Variants in UST observed in about 807,000 individuals in gnomAD.
UST encodes chondroitin sulfate 2-O-sulfotransferase.
In UST, 21 loss-of-function variants were observed where a neutral mutation model predicts 45.6. The ratio of observed to expected loss-of-function variants is 0.46; its 90% CI spans 0.33 to 0.66. The LOEUF (loss-of-function observed/expected upper bound fraction) is 0.66, where lower values mean the gene tolerates loss of function less well. Among genes scored for constraint, UST ranks in the 30% least tolerant of loss-of-function variants. The pLI, the probability that UST is intolerant of heterozygous loss-of-function variation, is 0.02. For synonymous variants in UST, 215 were observed against 200.6 expected, an observed-to-expected ratio of 1.07 and a Z score of -0.61; for missense variants, 463 against 512.4, an observed-to-expected ratio of 0.90 and a Z score of 0.93.
At chr6:148,872,327 T>C (rs1473626227) in intron 1 of UST, among the ~76,000 whole-genome samples, 1 of 152,220 alleles carries the variant, frequency 6.6e-6, no homozygotes, top group Non-Finnish European at 1.5e-5. Context: ...ATGAAAACTT[T>C]CACCGCATAT....
chr6:148,965,173 C>G (rs1246731319), intron 5 of UST, among the ~76,000 whole-genome samples: 1 of 152,186 alleles, frequency 6.6e-6, no homozygotes, highest in Non-Finnish European at 1.5e-5. Context: ...GGACCCTCAG[C>G]TCCATAAGGG....
intron 1 of UST, among the ~76,000 whole-genome samples, chr6:148,844,353 G>C (rs1362599383): frequency 6.6e-6 from 1 of 152,204 alleles, no homozygotes; most frequent in African/African-American, 2.4e-5. Flanking sequence ...CTTACAGTTA[G>C]TGAATTTCAA....
intron 7 of UST, among the ~76,000 whole-genome samples, chr6:149,056,474 A>G (rs6930713): frequency 0.32 from 48,002 of 152,046 alleles, 8,002 homozygotes; most frequent in Non-Finnish European, 0.36. Context: ...CCTGGTGTCT[A>G]CTGACATTAG....
intron 7 of UST, among the ~76,000 whole-genome samples, chr6:149,030,359 A>G (rs1776121557): frequency 6.6e-6 from 1 of 152,128 alleles, no homozygotes; most frequent in Admixed American, 6.5e-5. Flanking sequence ...AATAAAATCT[A>G]GGCTGGGCAC....
intron 7 of UST, among the ~76,000 whole-genome samples, chr6:149,041,677 AGACCAT>A (rs1776316525): frequency 6.6e-6 from 1 of 152,178 alleles, no homozygotes; most frequent in South Asian, 2.1e-4. Context: ...CCACAACTGG[AGACCAT>A]GACCAGAACA....
At chr6:148,827,740 A>C (rs1199253397) in intron 1 of UST, among the ~76,000 whole-genome samples, 1 of 151,780 alleles carries the variant, frequency 6.6e-6, no homozygotes, top group Non-Finnish European at 1.5e-5. Flanking sequence ...AAAAAAAAAA[A>C]AAACCAACAA....
At chr6:149,033,036 A>C (rs1046893051) in intron 7 of UST, among the ~76,000 whole-genome samples, 1 of 152,220 alleles carries the variant, frequency 6.6e-6, no homozygotes, top group African/African-American at 2.4e-5. Context: ...ATAACGCCAC[A>C]AAGCTGAAAG....
intron 1 of UST, among the ~76,000 whole-genome samples, chr6:148,809,005 T>C (rs1460610402): frequency 1.3e-5 from 2 of 152,222 alleles, no homozygotes; most frequent in Non-Finnish European, 2.9e-5. Context: ...GTCTATGGTA[T>C]TTTGTTATAG....
intron 5 of UST, among the ~76,000 whole-genome samples, chr6:148,973,586 G>A (rs1780962772): frequency 6.6e-6 from 1 of 152,194 alleles, no homozygotes; most frequent in African/African-American, 2.4e-5. Flanking sequence ...TTTATATAAA[G>A]TAAAAAACTA....
At chr6:148,749,422 G>A (rs1447245783) in intron 1 of UST, among the ~76,000 whole-genome samples, 2 of 152,120 alleles carry the variant, frequency 1.3e-5, no homozygotes, top group Non-Finnish European at 1.5e-5. Flanking sequence ...GGAGGCCAGG[G>A]GTGTAGGGAA....
At chr6:148,772,094 G>A (rs1776440043) in intron 1 of UST, among the ~76,000 whole-genome samples, 1 of 152,192 alleles carries the variant, frequency 6.6e-6, no homozygotes, top group South Asian at 2.1e-4. Flanking sequence ...ACAGCTCAGT[G>A]GTGGTATTTC....
chr6:148,794,142 T>G (rs1006998157), intron 1 of UST, among the ~76,000 whole-genome samples: 5 of 152,230 alleles, frequency 3.3e-5, no homozygotes, highest in African/African-American at 1.2e-4. Context: ...CTTTCAACTT[T>G]CCTGAATTAT....
At position 149,018,816 on chromosome 6, in the gene UST, G is replaced by A. The variant is rs558197089; in HGVS notation, c.682-323G>A. 2.5e-4 allele frequency among the ~76,000 whole-genome samples: 38 copies of A among 152,124 alleles called. No homozygotes were observed. The East Asian group carries it at 4.6e-3, about 19-fold the overall frequency. On this transcript the variant is annotated intron_variant, in intron 5 of 7. Transcript: ENST00000367463. ...TACTAATTGGCTGGCAACTGGTGGC[G>A]CCACCACGAAGCACAGTGGGTACCA...
At chr6:148,982,280 G>A (rs1422422298) in intron 5 of UST, among the ~76,000 whole-genome samples, 1 of 152,040 alleles carries the variant, frequency 6.6e-6, no homozygotes, top group Non-Finnish European at 1.5e-5. Flanking sequence ...TTTATTTTTA[G>A]TAGAGTCGGG....
At chr6:148,765,465 A>G (rs1344155896) in intron 1 of UST, among the ~76,000 whole-genome samples, 2 of 152,170 alleles carry the variant, frequency 1.3e-5, no homozygotes, top group Admixed American at 6.5e-5. Context: ...TTGGTTCCAT[A>G]TAAATTTTAG....
intron 5 of UST, among the ~76,000 whole-genome samples, chr6:148,984,295 G>C (rs1226616119): frequency 6.6e-6 from 1 of 152,148 alleles, no homozygotes; most frequent in Non-Finnish European, 1.5e-5. Flanking sequence ...CATTAAACAA[G>C]TATTGGGAGA....
intron 4 of UST, among the ~76,000 whole-genome samples, chr6:148,960,064 G>C (rs1274609261): frequency 6.6e-6 from 1 of 151,950 alleles, no homozygotes; most frequent in Admixed American, 6.6e-5. Flanking sequence ...CGAGGCAGGC[G>C]GATCACTTGA....
Position 148,748,185 on chromosome 6 carries a change from C to G in UST, c.247+508C>G, listed in dbSNP as rs1435914806. ...TCTGTCCCGCAGATCCCCCGCCTGC[C>G]CGCCGGCCCTAGTGGCTCCGCGCTG... On this transcript the variant is annotated intron_variant, in intron 1 of 7. Coordinates refer to ENST00000367463, the MANE Select transcript of UST (RefSeq NM_005715.3). This position sits in a 1 kb window ranked among gnomAD's most constrained non-coding sequence, Gnocchi z 5.3. Among the ~76,000 whole-genome samples, 3 of 152,202 alleles carry G rather than the reference C, an allele frequency of 2.0e-5. No individual in the cohort carries two copies. Among genetic ancestry groups the G allele is most frequent in the Admixed American group, 2.0e-4 (3 of 15,290 alleles).
chr6:148,908,108 C>T (rs1284159374), intron 2 of UST, among the ~76,000 whole-genome samples: 1 of 152,000 alleles, frequency 6.6e-6, no homozygotes, highest in Non-Finnish European at 1.5e-5. Flanking sequence ...ATGGTTTCAC[C>T]ATGTTGGCCA....
Sources: gnomAD v4.1 joint callset for allele counts (sites outside exome capture counted in the v4.1 genomes callset) on GRCh38, gnomAD v4.1.1 for gene constraint, Gnocchi (gnomAD v3.1) non-coding constraint, MANE v1.5 for transcripts, NCBI Gene and HGNC (gene_info 2026-07-23, HGNC 2026-07-21) for gene names.